The following KLF7 variants were observed in gnomAD, a reference collection of about 807,000 sequenced individuals.
The protein encoded by KLF7 is Krueppel-like factor 7.
A neutral mutation model predicts 27.3 loss-of-function variants in KLF7; 2 were observed. That is an observed-to-expected ratio of 0.07 (90% CI 0.03 to 0.23). The LOEUF (loss-of-function observed/expected upper bound fraction) is 0.23. Ranked by LOEUF, KLF7 falls within the 10% of genes least tolerant of loss-of-function variation. The pLI is 1.00. For synonymous variants in KLF7, 165 were observed against 162.4 expected, an observed-to-expected ratio of 1.02 and a Z score of -0.12; for missense variants, 221 against 394.1, an observed-to-expected ratio of 0.56 and a Z score of 3.72.
intron 2 of KLF7, among the ~76,000 whole-genome samples, chr2:207,102,770 T>G (rs770585603): frequency 6.6e-6 from 1 of 152,200 alleles, no homozygotes; most frequent in Non-Finnish European, 1.5e-5. Context: ...ATTCTCCCCT[T>G]ATCCCTAGGT....
At chr2:207,089,454 T>C (rs529099490) in intron 2 of KLF7, among the ~76,000 whole-genome samples, 2 of 152,016 alleles carry the variant, frequency 1.3e-5, no homozygotes, top group East Asian at 1.9e-4. Flanking sequence ...GCCTTAGACC[T>C]TTTTTTTAAC....
At chr2:207,140,562 A>T (rs1369362990) in intron 1 of KLF7, among the ~76,000 whole-genome samples, 1 of 152,196 alleles carries the variant, frequency 6.6e-6, no homozygotes, top group East Asian at 1.9e-4. Flanking sequence ...AACAGTAAGC[A>T]TCTCATTCTT....
At chr2:207,117,500 T>C (rs2077219998) in intron 2 of KLF7, among the ~76,000 whole-genome samples, 2 of 152,226 alleles carry the variant, frequency 1.3e-5, no homozygotes. Flanking sequence ...CGGGGTTTAA[T>C]GAGTTTCTGC....
intron 1 of KLF7, among the ~76,000 whole-genome samples, chr2:207,144,566 C>A (rs552398724): frequency 1.3e-5 from 2 of 152,276 alleles, no homozygotes; most frequent in African/African-American, 4.8e-5. Flanking sequence ...AAGCCAACTG[C>A]CTCTATCACC....
At chr2:207,104,773 C>T (rs2076843260) in intron 2 of KLF7, among the ~76,000 whole-genome samples, 1 of 152,220 alleles carries the variant, frequency 6.6e-6, no homozygotes, top group African/African-American at 2.4e-5. Context: ...ATATAAGCAG[C>T]AACAATTAAA....
upstream of KLF7, among the ~76,000 whole-genome samples, chr2:207,168,813 C>T (rs1287105169): frequency 6.6e-6 from 1 of 151,946 alleles, no homozygotes; most frequent in Non-Finnish European, 1.5e-5. Context: ...CTTTTTATAC[C>T]CTAGAGACCC....
At chr2:207,089,514 T>TA (rs1183952497) in intron 2 of KLF7, among the ~76,000 whole-genome samples, 2 of 152,176 alleles carry the variant, frequency 1.3e-5, no homozygotes, top group African/African-American at 4.8e-5. Flanking sequence ...TCCAACTGTA[T>TA]GGTGGACTGG....
chr2:207,156,452 T>C (rs1480800060), intron 1 of KLF7, among the ~76,000 whole-genome samples: 1 of 152,222 alleles, frequency 6.6e-6, no homozygotes, highest in East Asian at 1.9e-4. Context: ...TGCTACCTAA[T>C]GCCTCTCCAG....
intron 2 of KLF7, among the ~76,000 whole-genome samples, chr2:207,113,600 TG>T (rs1165302237): frequency 8.2e-4 from 2 of 2,450 alleles, no homozygotes; most frequent in Non-Finnish European, 7.6e-4. Flanking sequence ...CAAAGTGGAA[TG>T]GGGGGTGGGG....
At position 207,124,281 on chromosome 2, in the gene KLF7, G is replaced by C; in HGVS notation, c.226C>G (p.Arg76Gly). Residue 76 changes from arginine to glycine, a missense_variant, in exon 2 of 4, where the codon CGC becomes GGC. Around this residue, in one of 3 missense-constraint regions of KLF7, gnomAD observed 180 missense variants for 227.9 expected, o/e 0.79. Coordinates refer to ENST00000309446, the MANE Select transcript of KLF7 (RefSeq NM_003709.4). ...PPPCIEESFR[R>G]LDPLLLPVEA... ...ACGGGGAGCAGCAGGGGGTCTAAGC[G>C]ACGGAAGCTTTCCTCAATGCACGGG... The C allele has an allele frequency of 6.2e-7, 1 of 1,614,100 alleles. No individual in the cohort carries two copies.
rs1037642248 is a variant in KLF7, at chr2:207,148,858, C to G, written c.102+16609G>C. On this transcript the variant is annotated intron_variant, in intron 1 of 3. Transcript: ENST00000309446. Reference sequence around the variant, plus strand: ...GGGCCATCTTTATGACTCCTGCTCTCTGACTTTTCCTTTGCCAACATCTGC... The same window carrying G: ...GGGCCATCTTTATGACTCCTGCTCTGTGACTTTTCCTTTGCCAACATCTGC... 3.1e-5 allele frequency: 9 copies of G among 287,914 alleles called. No homozygotes were observed. The Middle Eastern group carries it at 4.6e-3, about 149-fold the overall frequency. The allele number at this position is 287,914 out of a possible 1,614,324, so 17.8% of individuals were successfully genotyped here.
Position 207,077,867 on chromosome 2 carries a change from T to C in KLF7, c.*3346A>G, listed in dbSNP as rs1207265318. On this transcript the variant is annotated 3_prime_UTR_variant, in exon 4 of 4. Transcript: ENST00000309446. ...ATCTGAACCCTGGATAAAAGCGTGC[T>C]TGTTAGGACACCACCAGAAACACCA... 6.6e-6 allele frequency: 1 copy of C among 152,218 alleles called. No homozygotes were observed. Among genetic ancestry groups the C allele is most frequent in the East Asian group, 1.9e-4 (1 of 5,198 alleles). The allele number at this position is 152,218 out of a possible 1,614,324, so 9.4% of individuals were successfully genotyped here.
At chr2:207,125,841 T>C (rs926857498) in intron 1 of KLF7, among the ~76,000 whole-genome samples, 1 of 152,196 alleles carries the variant, frequency 6.6e-6, no homozygotes, top group Non-Finnish European at 1.5e-5. Flanking sequence ...GGAGAAGATA[T>C]AGCAGTAGGT....
Position 207,088,320 on chromosome 2 carries a change from C to G in KLF7, c.857+138G>C, listed in dbSNP as rs140724299. 6 of 1,003,362 alleles carry G rather than the reference C, an allele frequency of 6.0e-6. No homozygotes were observed. In the East Asian group the frequency reaches 1.5e-4, roughly 25 times the overall value. 62.2% of individuals were successfully genotyped at this position (1,003,362 alleles called of 1,614,324 possible). The stretch of plus-strand genomic sequence containing the variant: ...CACCCCCTCTTCTCACTGGTCCTCT[C>G]CATGGAGAAAAGGCATTCCCAGGTC... On this transcript the variant is annotated intron_variant, in intron 3 of 3. Transcript: ENST00000309446.
chr2:207,101,499 C>G (rs2076764489), intron 2 of KLF7, among the ~76,000 whole-genome samples: 1 of 152,170 alleles, frequency 6.6e-6, no homozygotes, highest in Non-Finnish European at 1.5e-5. Context: ...GGAGAAGGAA[C>G]AGCATGCACA....
intron 2 of KLF7, among the ~76,000 whole-genome samples, chr2:207,108,102 G>A (rs1473550418): frequency 6.6e-6 from 1 of 152,198 alleles, no homozygotes; most frequent in Non-Finnish European, 1.5e-5. Context: ...AAGGATGTAT[G>A]AAAAGTTTTC....
upstream of KLF7, among the ~76,000 whole-genome samples, chr2:207,170,155 C>A (rs1442001545): frequency 6.6e-6 from 1 of 151,864 alleles, no homozygotes; most frequent in Non-Finnish European, 1.5e-5. Flanking sequence ...CTCCAATAAA[C>A]ACACAGATGA....
At chr2:207,133,539 GAAC>G (rs1003333551) in intron 1 of KLF7, among the ~76,000 whole-genome samples, 19 of 152,190 alleles carry the variant, frequency 1.2e-4, no homozygotes, top group Non-Finnish European at 1.8e-4. Flanking sequence ...GGCTTCCTAA[GAAC>G]AACAATGGCC....
intron 1 of KLF7, among the ~76,000 whole-genome samples, chr2:207,128,875 T>C (rs758388611): frequency 5.3e-5 from 8 of 152,184 alleles, no homozygotes; most frequent in Non-Finnish European, 1.2e-4. Flanking sequence ...TAAGGAGATA[T>C]GGCAACTAAA....
Sources: allele counts gnomAD v4.1 joint callset (sites outside exome capture counted in the v4.1 genomes callset), GRCh38; gene constraint gnomAD v4.1.1; regional missense constraint gnomAD v4.1.1; transcripts MANE v1.5; gene names NCBI Gene and HGNC (gene_info 2026-07-23, HGNC 2026-07-21).